NFAT5: variants seen among roughly 807,000 people sequenced by gnomAD.
NFAT5 encodes nuclear factor of activated T-cells 5.
NFAT5 carries 31 observed loss-of-function variants against 166.5 expected under a neutral mutation model. The observed-to-expected ratio is 0.19, with a 90% CI of 0.14 to 0.25. The LOEUF is 0.25. Ranked by LOEUF, NFAT5 falls within the 10% of genes least tolerant of loss-of-function variation. The probability of loss-of-function intolerance (pLI) is 1.00; values close to 1 mark genes in which losing one functional copy is unlikely to be tolerated. For synonymous variants in NFAT5, 612 were observed against 639.7 expected, an observed-to-expected ratio of 0.96 and a Z score of 0.65; for missense variants, 1,449 against 1,821.8, an observed-to-expected ratio of 0.80 and a Z score of 3.72.
intron 2 of NFAT5, among the ~76,000 whole-genome samples, chr16:69,571,995 C>T (rs1262875157): frequency 2.0e-5 from 3 of 152,064 alleles, no homozygotes; most frequent in Non-Finnish European, 4.4e-5. Context: ...ATCTCCTGAT[C>T]TCGTGATCCG....
chr16:69,671,279 C>T (rs1210770336), intron 9 of NFAT5, among the ~76,000 whole-genome samples: 1 of 152,186 alleles, frequency 6.6e-6, no homozygotes, highest in Non-Finnish European at 1.5e-5. Flanking sequence ...TTCCTACTGT[C>T]CCCTTGGATT....
intron 14 of NFAT5, 119 bp downstream of exon 14, chr16:69,695,498 C>T: frequency 1.4e-6 from 1 of 692,700 alleles, no homozygotes; most frequent in East Asian, 2.7e-5. Context: ...CAAGATGATA[C>T]TTTTTTACTC....
At chr16:69,644,623 G>T (rs1055729928) in intron 3 of NFAT5, among the ~76,000 whole-genome samples, 1 of 152,174 alleles carries the variant, frequency 6.6e-6, no homozygotes, top group African/African-American at 2.4e-5. Context: ...TGTTAAATCA[G>T]TTGGGTTTTA....
chr16:69,677,188 T>G lies in NFAT5; in HGVS notation c.1558-15T>G, dbSNP rs750636112. 6.3e-7 allele frequency: 1 copy of G among 1,595,730 alleles called. No individual in the cohort carries two copies. Among genetic ancestry groups the G allele is most frequent in the Non-Finnish European group, 8.5e-7 (1 of 1,175,416 alleles). ...ATTGCTTCTTTTCCAACTCTTGTGC[T>G]TTTCTTTACATTAGAATCATCTTAT... On this transcript the variant is annotated splice_polypyrimidine_tract_variant and intron_variant, in intron 9 of 14. Transcript: ENST00000349945.
In NFAT5 at chr16:69,692,349, G is replaced by A. The variant is rs758800160; in HGVS notation, c.2524G>A (p.Glu842Lys). 6.2e-7 allele frequency: 1 copy of A among 1,614,184 alleles called. No homozygotes were observed. The highest frequency in any genetic ancestry group is 8.5e-7 in the Non-Finnish European group (1 of 1,180,038). The stretch of plus-strand genomic sequence containing the variant: ...TCCAGATGGTAATGAGAATGTTCAA[G>A]AGCAGCTTAGTGCAGATATTTTTCA... ...SAPDGNENVQ[E>K]QLSADIFQQV... Residue 842 changes from glutamate to lysine, a missense_variant, in exon 13 of 15, where the codon GAG becomes AAG. By Grantham distance (56) the Glu-to-Lys change is moderately conservative. Around this residue, in one of 7 missense-constraint regions of NFAT5, gnomAD observed 891 missense variants for 993.0 expected, o/e 0.90. Coordinates refer to ENST00000349945, the MANE Select transcript of NFAT5 (RefSeq NM_138713.4).
At chr16:69,572,644 A>G (rs1484969485) in intron 2 of NFAT5, among the ~76,000 whole-genome samples, 1 of 152,124 alleles carries the variant, frequency 6.6e-6, no homozygotes, top group Non-Finnish European at 1.5e-5. Flanking sequence ...AGAAATAGAG[A>G]AATATAAGAT....
chr16:69,612,392 ATTG>A (rs766799055), intron 2 of NFAT5, among the ~76,000 whole-genome samples: 26 of 150,556 alleles, frequency 1.7e-4, no homozygotes, highest in Admixed American at 3.4e-4. Context: ...AAAATTTGAT[ATTG>A]TTTATGTATA....
chr16:69,574,972 C>T (rs547151465), intron 2 of NFAT5, among the ~76,000 whole-genome samples: 1 of 151,770 alleles, frequency 6.6e-6, no homozygotes, highest in Non-Finnish European at 1.5e-5. Flanking sequence ...GTGCCCAGCC[C>T]ATTCTCTTTT....
chr16:69,678,588 C>T (rs1047034874), intron 10 of NFAT5, among the ~76,000 whole-genome samples: 1 of 152,084 alleles, frequency 6.6e-6, no homozygotes, highest in African/African-American at 2.4e-5. Context: ...CATTTAGATG[C>T]CTGAAAAAAG....
intron 11 of NFAT5, among the ~76,000 whole-genome samples, chr16:69,686,591 C>T (rs970921204): frequency 4.6e-5 from 7 of 152,052 alleles, no homozygotes; most frequent in Non-Finnish European, 8.8e-5. Flanking sequence ...AGGCTGGGCA[C>T]GGTGGCTCAC....
chr16:69,647,417 G>A lies in NFAT5; in HGVS notation c.643G>A (p.Val215Ile). 1 of 1,614,076 alleles carries A rather than the reference G, an allele frequency of 6.2e-7. No individual in the cohort carries two copies. The highest frequency in any genetic ancestry group is 8.5e-7 in the Non-Finnish European group (1 of 1,180,020). ...CAGTTCCTACAATGATAACACTGAG[G>A]TACCTCGTAAATCACGAAAACGAAA... ...STSSYNDNTE[V>I]PRKSRKRNPK... is the part of the protein sequence containing the mutation. Residue 215 changes from valine to isoleucine, a missense_variant, in exon 4 of 15, where the codon GTA becomes ATA. Physicochemically the swap from Val to Ile is conservative, Grantham distance 29. Transcript: ENST00000349945. This position sits in a 1 kb window ranked among gnomAD's most constrained non-coding sequence, Gnocchi z 4.8.
intron 2 of NFAT5, among the ~76,000 whole-genome samples, chr16:69,575,443 C>T (rs1178625727): frequency 2.0e-5 from 3 of 152,062 alleles, no homozygotes; most frequent in Non-Finnish European, 2.9e-5. Flanking sequence ...GCTGGGATTA[C>T]AGGTGTGAGC....
At chr16:69,660,724 G>A (rs1165558096) in intron 7 of NFAT5, among the ~76,000 whole-genome samples, 1 of 152,090 alleles carries the variant, frequency 6.6e-6, no homozygotes, top group South Asian at 2.1e-4. Context: ...TGTTATATAT[G>A]TCTCACCATA....
At position 69,642,527 on chromosome 16, in the gene NFAT5, A is replaced by C. The variant is rs1333452037; in HGVS notation, c.254-4501A>C. On this transcript the variant is annotated intron_variant, in intron 3 of 14. Transcript: ENST00000349945. ...TCACAGAAAATGCTTTAGAAAAAAT[A>C]AAATTATTCTAGCCCAGGCACAGTG... Among the ~76,000 whole-genome samples, 3 of 152,296 alleles carry C rather than the reference A, an allele frequency of 2.0e-5. No homozygotes were observed. The East Asian group carries it at 5.8e-4, about 29-fold the overall frequency.
intron 2 of NFAT5, among the ~76,000 whole-genome samples, chr16:69,602,568 T>TTTTCTTTC (rs1288582117): frequency 6.6e-6 from 1 of 150,740 alleles, no homozygotes; most frequent in Non-Finnish European, 1.5e-5. Flanking sequence ...TGCCCAGACT[T>TTTTCTTTC]TTTCTTTCTT....
intron 2 of NFAT5, among the ~76,000 whole-genome samples, chr16:69,571,869 C>G (rs945175964): frequency 1.3e-5 from 2 of 152,108 alleles, no homozygotes; most frequent in African/African-American, 2.4e-5. Flanking sequence ...ACGCCATTCT[C>G]CTGCCTCAGC....
At chr16:69,601,151 C>T (rs183503629) in intron 2 of NFAT5, among the ~76,000 whole-genome samples, 225 of 151,932 alleles carry the variant, frequency 1.5e-3, no homozygotes, top group Non-Finnish European at 2.8e-3. Flanking sequence ...ATATGGAAAA[C>T]GACAAAACAA....
At chr16:69,673,600 A>G (rs2036712725) in intron 9 of NFAT5, among the ~76,000 whole-genome samples, 1 of 152,048 alleles carries the variant, frequency 6.6e-6, no homozygotes, top group African/African-American at 2.4e-5. Flanking sequence ...GCACATGCAT[A>G]TAGTTCCAGC....
intron 3 of NFAT5, among the ~76,000 whole-genome samples, chr16:69,629,828 G>A (rs1400358211): frequency 2.0e-5 from 3 of 147,852 alleles, no homozygotes; most frequent in Non-Finnish European, 4.5e-5. Flanking sequence ...GAATGCACTG[G>A]TGTGACCTTG....
Sources: allele counts gnomAD v4.1 joint callset (sites outside exome capture counted in the v4.1 genomes callset), GRCh38; gene constraint gnomAD v4.1.1; regional missense constraint gnomAD v4.1.1; non-coding constraint Gnocchi (gnomAD v3.1); transcripts MANE v1.5; gene names NCBI Gene and HGNC (gene_info 2026-07-23, HGNC 2026-07-21).